The following GPR158 variants were observed in gnomAD, a reference collection of about 807,000 sequenced individuals.
GPR158 encodes metabotropic glycine receptor.
In GPR158, 30 loss-of-function variants were observed where a neutral mutation model predicts 78.2. The observed-to-expected ratio is 0.38, with a 90% CI of 0.29 to 0.52. GPR158 has a LOEUF of 0.52. Ranked by LOEUF, GPR158 falls within the 20% of genes least tolerant of loss-of-function variation. The pLI is 0.83. For missense variants in GPR158, 1,463 were observed against 1,523.5 expected, an observed-to-expected ratio of 0.96 and a Z score of 0.66; for synonymous variants, 581 against 591.1, an observed-to-expected ratio of 0.98 and a Z score of 0.25.
chr10:25,175,584 C>G lies in GPR158; in HGVS notation c.164C>G (p.Ser55Trp), dbSNP rs1377811770. 2.5e-6 allele frequency: 4 copies of G among 1,610,832 alleles called. No individual in the cohort carries two copies. The Admixed American group carries it at 5.0e-5, about 20-fold the overall frequency. The change falls in exon 1 of 11, where the codon TCG (serine) becomes TGG (tryptophan). Residue 55 changes from serine to tryptophan, a missense_variant. By Grantham distance (177) the Ser-to-Trp change is radical. Coordinates refer to ENST00000376351, the MANE Select transcript of GPR158 (RefSeq NM_020752.3). This position sits in a 1 kb window ranked among gnomAD's most constrained non-coding sequence, Gnocchi z 6.4. Reference sequence around the variant, plus strand: ...CAGCAGCCGGGTCGAGCCTCTGCCTCGGACTCCTCGGCTCCCTGGAGCCGC... The same window carrying G: ...CAGCAGCCGGGTCGAGCCTCTGCCTGGGACTCCTCGGCTCCCTGGAGCCGC... ...HAQQPGRASA[S>W]DSSAPWSRST...
intron 5 of GPR158, among the ~76,000 whole-genome samples, chr10:25,477,184 A>G (rs573705352): frequency 2.6e-5 from 4 of 152,114 alleles, no homozygotes; most frequent in Non-Finnish European, 5.9e-5. Flanking sequence ...CAGAAGAAAA[A>G]CAAGAGAATT....
At chr10:25,244,301 A>G (rs1048066267) in intron 2 of GPR158, among the ~76,000 whole-genome samples, 2 of 152,138 alleles carry the variant, frequency 1.3e-5, no homozygotes, top group Non-Finnish European at 2.9e-5. Flanking sequence ...CTGTGCTCCA[A>G]TTCTCAAGTA....
At chr10:25,479,503 C>T (rs1835633670) in intron 5 of GPR158, among the ~76,000 whole-genome samples, 1 of 152,072 alleles carries the variant, frequency 6.6e-6, no homozygotes, top group South Asian at 2.1e-4. Flanking sequence ...CAACCTGTGC[C>T]TCCCGGGTTC....
chr10:25,389,173 G>A (rs757405706), intron 2 of GPR158, among the ~76,000 whole-genome samples: 40 of 152,094 alleles, frequency 2.6e-4, no homozygotes, highest in Non-Finnish European at 5.1e-4. Context: ...GACAGGGGAG[G>A]TGGTGCCTTT....
intron 5 of GPR158, among the ~76,000 whole-genome samples, chr10:25,484,320 A>T (rs1835704199): frequency 6.6e-6 from 1 of 152,190 alleles, no homozygotes; most frequent in African/African-American, 2.4e-5. Flanking sequence ...GTCACTTCTC[A>T]GTGAAAGGAA....
chr10:25,431,133 C>G (rs1183611239), intron 4 of GPR158, among the ~76,000 whole-genome samples: 3 of 112,842 alleles, frequency 2.7e-5, no homozygotes, highest in African/African-American at 9.5e-5. Context: ...GGCTAATATC[C>G]AGAATCTACA....
At chr10:25,271,369 T>C (rs1854116731) in intron 2 of GPR158, among the ~76,000 whole-genome samples, 1 of 152,238 alleles carries the variant, frequency 6.6e-6, no homozygotes, top group African/African-American at 2.4e-5. Flanking sequence ...GTGTCTGTTC[T>C]ACCCCCAATT....
chr10:25,259,855 T>C (rs1443647653), intron 2 of GPR158, among the ~76,000 whole-genome samples: 7 of 152,118 alleles, frequency 4.6e-5, no homozygotes, highest in Non-Finnish European at 1.0e-4. Flanking sequence ...ATAAATAGTA[T>C]GTTCTTAAAA....
intron 2 of GPR158, among the ~76,000 whole-genome samples, chr10:25,297,881 G>A (rs1854538790): frequency 6.6e-6 from 1 of 152,210 alleles, no homozygotes; most frequent in Non-Finnish European, 1.5e-5. Flanking sequence ...TGTTTGCTGT[G>A]CTATACATTG....
intron 2 of GPR158, among the ~76,000 whole-genome samples, chr10:25,242,509 G>T (rs1039483686): frequency 6.6e-6 from 1 of 152,174 alleles, no homozygotes; most frequent in Non-Finnish European, 1.5e-5. Flanking sequence ...ATAGGAAAGT[G>T]ATGTGGAAAG....
chr10:25,413,277 G>A (rs1834617832), intron 4 of GPR158, among the ~76,000 whole-genome samples: 1 of 152,218 alleles, frequency 6.6e-6, no homozygotes, highest in African/African-American at 2.4e-5. Context: ...ACTACAGTGA[G>A]CTATGATCAC....
At chr10:25,389,285 G>A (rs1467120806) in intron 2 of GPR158, among the ~76,000 whole-genome samples, 1 of 152,106 alleles carries the variant, frequency 6.6e-6, no homozygotes, top group East Asian at 1.9e-4. Flanking sequence ...GGAGATGATG[G>A]GACAACCAAC....
intron 2 of GPR158, among the ~76,000 whole-genome samples, chr10:25,250,882 C>G (rs934902800): frequency 9.9e-5 from 15 of 151,598 alleles, no homozygotes; most frequent in South Asian, 6.3e-4. Context: ...GACTTTCTGT[C>G]TCGTTGATCT....
chr10:25,508,778 A>T (rs1836046603), intron 5 of GPR158, among the ~76,000 whole-genome samples: 1 of 152,018 alleles, frequency 6.6e-6, no homozygotes, highest in Non-Finnish European at 1.5e-5. Flanking sequence ...AGGAAAGAAG[A>T]CCTTATTGCA....
At chr10:25,422,167 C>T (rs911888391) in intron 4 of GPR158, among the ~76,000 whole-genome samples, 47 of 152,146 alleles carry the variant, frequency 3.1e-4, no homozygotes, top group African/African-American at 1.1e-3. Flanking sequence ...GGGTTACTGT[C>T]TTTTTGTCCA....
At position 25,594,337 on chromosome 10, in the gene GPR158, G is replaced by A. The variant is rs1276859681; in HGVS notation, c.1938G>A (p.Leu646=). Residue 646 remains leucine (L), a synonymous_variant, in exon 9 of 11, where the codon CTG becomes CTA. Transcript: ENST00000376351. ...TTCAGTCTGATTGGATGTTGATGCT[G>A]TATTTTGCACATACTCATTTGACTG... is the stretch of plus-strand genomic sequence containing the variant. The part of the protein sequence containing the change: ...SRLQSDWMLM[L]YFAHTHLTVT... 1.3e-6 allele frequency: 2 copies of A among 1,597,924 alleles called. No individual in the cohort carries two copies. The highest frequency in any genetic ancestry group is 3.3e-5 in the Admixed American group (2 of 59,712).
At chr10:25,285,389 A>C (rs1251819255) in intron 2 of GPR158, among the ~76,000 whole-genome samples, 1 of 152,128 alleles carries the variant, frequency 6.6e-6, no homozygotes, top group African/African-American at 2.4e-5. Flanking sequence ...CCTCAGCCTC[A>C]TGACAGGCTG....
intron 3 of GPR158, among the ~76,000 whole-genome samples, chr10:25,402,159 C>G (rs1834456247): frequency 1.3e-5 from 2 of 152,074 alleles, no homozygotes; most frequent in Non-Finnish European, 2.9e-5. Flanking sequence ...TTATTTTTAT[C>G]GTGTTCCTGC....
At chr10:25,436,026 T>A (rs1834992661) in intron 4 of GPR158, among the ~76,000 whole-genome samples, 1 of 151,972 alleles carries the variant, frequency 6.6e-6, no homozygotes, top group Non-Finnish European at 1.5e-5. Context: ...ATTAAAAAAA[T>A]GGAAAACACT....
Sources: gnomAD v4.1 joint callset for allele counts (sites outside exome capture counted in the v4.1 genomes callset) on GRCh38, gnomAD v4.1.1 for gene constraint, Gnocchi (gnomAD v3.1) non-coding constraint, MANE v1.5 for transcripts, NCBI Gene and HGNC (gene_info 2026-07-23, HGNC 2026-07-21) for gene names.